The following DLGAP2 variants were observed in gnomAD, a reference collection of about 807,000 sequenced individuals.
DLGAP2 encodes the protein disks large-associated protein 2.
DLGAP2 carries 26 observed loss-of-function variants against 100.3 expected under a neutral mutation model. The ratio of observed to expected loss-of-function variants is 0.26; its 90% CI spans 0.19 to 0.36. DLGAP2 has a LOEUF of 0.36. DLGAP2 is among the 10% of genes least tolerant of loss of function. The pLI, the probability that DLGAP2 is intolerant of heterozygous loss-of-function variation, is 1.00. For missense variants in DLGAP2, 1,858 were observed against 1,453.2 expected, an observed-to-expected ratio of 1.28 and a Z score of -4.53; for synonymous variants, 886 against 630.1, an observed-to-expected ratio of 1.41 and a Z score of -6.08.
chr8:1,684,634 G>C (rs1799065506), intron 12 of DLGAP2, among the ~76,000 whole-genome samples: 1 of 152,044 alleles, frequency 6.6e-6, no homozygotes, highest in Admixed American at 6.5e-5. Context: ...TGAACCCAAA[G>C]AAATGCTGGT....
chr8:1,524,100 G>A (rs1005397069), intron 4 of DLGAP2, among the ~76,000 whole-genome samples: 3 of 152,174 alleles, frequency 2.0e-5, no homozygotes, highest in African/African-American at 4.8e-5. Flanking sequence ...CACTCTGGAC[G>A]GCAGAACTGA....
At chr8:1,341,107 G>C (rs940826614) in intron 3 of DLGAP2, among the ~76,000 whole-genome samples, 2 of 152,042 alleles carry the variant, frequency 1.3e-5, no homozygotes, top group Non-Finnish European at 2.9e-5. Flanking sequence ...AGGAGGGAGA[G>C]GATCAGGAAA....
intron 3 of DLGAP2, among the ~76,000 whole-genome samples, chr8:1,499,194 C>G (rs1465915335): frequency 2.6e-5 from 4 of 152,254 alleles, no homozygotes; most frequent in East Asian, 1.9e-4. Context: ...AGCTTGTGCT[C>G]TGTGTGAAGC....
intron 2 of DLGAP2, among the ~76,000 whole-genome samples, chr8:1,051,759 G>T (rs1406668063): frequency 6.6e-6 from 1 of 152,002 alleles, no homozygotes; most frequent in Non-Finnish European, 1.5e-5. Flanking sequence ...AGGCTGGGGG[G>T]CTTCACCTCT....
intron 1 of DLGAP2, among the ~76,000 whole-genome samples, chr8:846,249 C>A (rs930351941): frequency 6.6e-6 from 1 of 152,206 alleles, no homozygotes; most frequent in Non-Finnish European, 1.5e-5. Context: ...TCCTATCTAA[C>A]TGTAGCTTTG....
chr8:1,514,178 G>A (rs1340246406), intron 4 of DLGAP2, among the ~76,000 whole-genome samples: 4 of 152,226 alleles, frequency 2.6e-5, no homozygotes, highest in East Asian at 1.9e-4. Flanking sequence ...TCACAGTGAC[G>A]GGAAAGAGGA....
At chr8:1,091,243 T>G (rs1468833134) in intron 2 of DLGAP2, among the ~76,000 whole-genome samples, 4 of 152,186 alleles carry the variant, frequency 2.6e-5, no homozygotes, top group African/African-American at 9.7e-5. Flanking sequence ...ACTGGGCCAC[T>G]GAAATTCCAG....
intron 2 of DLGAP2, among the ~76,000 whole-genome samples, chr8:1,061,345 T>G (rs912204322): frequency 6.6e-6 from 1 of 152,148 alleles, no homozygotes; most frequent in African/African-American, 2.4e-5. Flanking sequence ...TCAGCTTTCT[T>G]TGTAGGCCTG....
At chr8:875,783 C>G (rs1191493027) in intron 1 of DLGAP2, among the ~76,000 whole-genome samples, 2 of 152,020 alleles carry the variant, frequency 1.3e-5, no homozygotes, top group Non-Finnish European at 2.9e-5. Context: ...GATTTTTTCA[C>G]TATATTTTTG....
At chr8:1,039,786 G>C (rs2129029984) in intron 2 of DLGAP2, among the ~76,000 whole-genome samples, 1 of 139,856 alleles carries the variant, frequency 7.2e-6, no homozygotes, top group South Asian at 2.4e-4. Flanking sequence ...GGCTCGGTAT[G>C]CATGTTCAGC....
chr8:1,192,123 C>T (rs944451654), intron 2 of DLGAP2, among the ~76,000 whole-genome samples: 6 of 152,112 alleles, frequency 3.9e-5, no homozygotes, highest in African/African-American at 7.2e-5. Flanking sequence ...TTTCTCCTCT[C>T]GTACGTGATG....
At chr8:1,660,620 C>T (rs560725316) in intron 8 of DLGAP2, among the ~76,000 whole-genome samples, 41 of 152,238 alleles carry the variant, frequency 2.7e-4, no homozygotes, top group East Asian at 1.5e-3. Context: ...ATTCTTTAAA[C>T]GCTACAGGTC....
chr8:1,078,101 C>G (rs950782126), intron 2 of DLGAP2, among the ~76,000 whole-genome samples: 2 of 152,112 alleles, frequency 1.3e-5, no homozygotes, highest in Non-Finnish European at 2.9e-5. Flanking sequence ...TCCTAAATTT[C>G]GAGATGGGAG....
At chr8:1,518,788 A>C (rs935765526) in intron 4 of DLGAP2, among the ~76,000 whole-genome samples, 11 of 152,224 alleles carry the variant, frequency 7.2e-5, no homozygotes, top group African/African-American at 2.7e-4. Context: ...CCCATGTTAG[A>C]TATTTGCATT....
In DLGAP2 at chr8:927,515, C is replaced by T. The variant is rs564819280; in HGVS notation, c.73+19549C>T. Among the ~76,000 whole-genome samples the T allele has an allele frequency of 3.3e-5, 5 of 152,292 alleles. No individual in the cohort carries two copies. In the South Asian group the frequency reaches 1.0e-3, roughly 32 times the overall value. ...TGAGGTCCTTAAAGTTCAAAGTCCT[C>T]CGCGTGTGTCCCTCACCCAGAGAGG... On this transcript the variant is annotated intron_variant, in intron 2 of 14. Coordinates refer to ENST00000637795, the MANE Select transcript of DLGAP2 (RefSeq NM_001346810.2).
chr8:1,344,155 G>GTAAGTCCGTGTAC lies in DLGAP2; in HGVS notation c.106+85273_106+85274insAAGTCCGTGTACT, dbSNP rs1290888836. The stretch of plus-strand genomic sequence containing the variant: ...GGGTCCGTGTACTCGGGGCCCTGTC[G>GTAAGTCCGTGTAC]TGGGTCTTTGTACTCGGGGCGCTGT... On this transcript the variant is annotated intron_variant, in intron 3 of 14. Transcript: ENST00000637795. 7.1e-3 allele frequency among the ~76,000 whole-genome samples: 1,072 copies of GTAAGTCCGTGTAC among 150,452 alleles called. 47 individuals are homozygous for GTAAGTCCGTGTAC. Among genetic ancestry groups the GTAAGTCCGTGTAC allele is most frequent in the Middle Eastern group, 0.01 (3 of 286 alleles).
At chr8:1,227,975 C>T (rs1035877337) in intron 2 of DLGAP2, among the ~76,000 whole-genome samples, 1 of 152,074 alleles carries the variant, frequency 6.6e-6, no homozygotes, top group Non-Finnish European at 1.5e-5. Context: ...ACTATAGTAA[C>T]CGTTTTACTA....
chr8:1,549,727 G>C lies in DLGAP2; in HGVS notation c.1230+44G>C. 1.3e-6 allele frequency: 2 copies of C among 1,484,868 alleles called. 1 individual carries two copies. The highest frequency in any genetic ancestry group is 5.0e-5 in the East Asian group (2 of 40,200). 92.0% of individuals were successfully genotyped at this position (1,484,868 alleles called of 1,614,324 possible). A position where few individuals can be genotyped will look rare whatever the true frequency, so the allele number is the denominator to read the frequency against. ...CTGTGGAGGCCGTCTCGGCACAGCA[G>C]GTGGTATTGTCGTTATTCCTTTTTT... On this transcript the variant is annotated intron_variant, in intron 5 of 14. Coordinates refer to ENST00000637795, the MANE Select transcript of DLGAP2 (RefSeq NM_001346810.2).
chr8:1,343,896 G>A (rs548231947), intron 3 of DLGAP2, among the ~76,000 whole-genome samples: 49 of 152,282 alleles, frequency 3.2e-4, no homozygotes, highest in East Asian at 1.2e-3. Flanking sequence ...CGCTTCTCAC[G>A]GGTGCGAGCT....
Sources: gnomAD v4.1 joint callset for allele counts (sites outside exome capture counted in the v4.1 genomes callset) on GRCh38, gnomAD v4.1.1 for gene constraint, MANE v1.5 for transcripts, NCBI Gene and HGNC (gene_info 2026-07-23, HGNC 2026-07-21) for gene names.